The following DCBLD2 variants were observed in gnomAD, a reference collection of about 807,000 sequenced individuals.
The protein encoded by DCBLD2 is discoidin, CUB and LCCL domain containing 2.
DCBLD2 carries 54 observed loss-of-function variants against 86.8 expected under a neutral mutation model. The ratio of observed to expected loss-of-function variants is 0.62; its 90% CI spans 0.50 to 0.78. The LOEUF (loss-of-function observed/expected upper bound fraction) is 0.78. Among genes scored for constraint, DCBLD2 ranks in the 30% least tolerant of loss-of-function variants. The pLI is 0.00. For missense variants in DCBLD2, 908 were observed against 954.2 expected, an observed-to-expected ratio of 0.95 and a Z score of 0.64; for synonymous variants, 354 against 341.3, an observed-to-expected ratio of 1.04 and a Z score of -0.41.
intron 4 of DCBLD2, 94 bp downstream of exon 4, chr3:98,825,221 T>C: frequency 1.1e-6 from 1 of 949,568 alleles, no homozygotes. Flanking sequence ...ACAATATACA[T>C]TAACCCTAAG....
At chr3:98,828,540 TAA>T (rs576822067) in intron 3 of DCBLD2, among the ~76,000 whole-genome samples, 1 of 151,842 alleles carries the variant, frequency 6.6e-6, no homozygotes. Context: ...ATGGCGAAAA[TAA>T]AAAAGACATA....
At chr3:98,805,054 A>G (rs1455458189) in intron 13 of DCBLD2, 1 of 152,348 alleles carries the variant, frequency 6.6e-6, no homozygotes, top group East Asian at 1.9e-4. Flanking sequence ...TGTCGTTCCA[A>G]TGTTAGTATA....
chr3:98,871,779 C>G (rs770955267), intron 2 of DCBLD2, among the ~76,000 whole-genome samples: 6 of 152,086 alleles, frequency 3.9e-5, no homozygotes, highest in Admixed American at 1.3e-4. Context: ...TAGGGTGATA[C>G]CGGGTTCATA....
At chr3:98,820,205 ATAT>A (rs747584347) in intron 7 of DCBLD2, 40 bp downstream of exon 7, 5 of 1,292,298 alleles carry the variant, frequency 3.9e-6, no homozygotes, top group Non-Finnish European at 5.1e-6. Context: ...TGTTCAAAAA[ATAT>A]TATATAAATA....
intron 2 of DCBLD2, among the ~76,000 whole-genome samples, chr3:98,878,354 T>G (rs753030188): frequency 6.6e-6 from 1 of 152,130 alleles, no homozygotes; most frequent in Non-Finnish European, 1.5e-5. Context: ...AATCTAATAA[T>G]GAGGAAGCAT....
chr3:98,837,818 G>A (rs1282433343), intron 3 of DCBLD2, among the ~76,000 whole-genome samples: 68 of 137,946 alleles, frequency 4.9e-4, no homozygotes, highest in African/African-American at 1.8e-3. Flanking sequence ...CCGGGCGGAG[G>A]GCTGACCCCC....
chr3:98,807,954 T>C (rs1941868800), intron 13 of DCBLD2, 127 bp downstream of exon 13: 3 of 645,870 alleles, frequency 4.6e-6, no homozygotes, highest in Non-Finnish European at 4.6e-6. Context: ...AGGAGAAGCA[T>C]GAAATTTTCA....
chr3:98,800,572 T>C lies in DCBLD2; in HGVS notation c.1858+7A>G, dbSNP rs1474703371. On this transcript the variant is annotated splice_region_variant and intron_variant, in intron 15 of 15. Transcript: ENST00000326840. ...TGCCTGGTACCAGAAGGCTGCAACA[T>C]AGTTACCTGCAGAGTCAGCCTGCAG... is the stretch of plus-strand genomic sequence containing the variant. 2 of 1,610,912 alleles carry C rather than the reference T, an allele frequency of 1.2e-6. No homozygotes were observed. The highest frequency in any genetic ancestry group is 3.3e-5 in the Admixed American group (2 of 59,720).
At chr3:98,800,304 C>G (rs1941695394) in intron 15 of DCBLD2, among the ~76,000 whole-genome samples, 1 of 152,130 alleles carries the variant, frequency 6.6e-6, no homozygotes, top group African/African-American at 2.4e-5. Flanking sequence ...TTCCCGCTCT[C>G]CTCTCAACAT....
At chr3:98,899,270 T>C (rs1348072326) in intron 1 of DCBLD2, among the ~76,000 whole-genome samples, 1 of 148,742 alleles carries the variant, frequency 6.7e-6, no homozygotes, top group East Asian at 1.9e-4. Flanking sequence ...CTTTTTTTTT[T>C]TTTTTTTTTG....
intron 9 of DCBLD2, chr3:98,813,437 AGT>A (rs1941974366): frequency 6.6e-6 from 1 of 152,144 alleles, no homozygotes; most frequent in Non-Finnish European, 1.5e-5. Context: ...TTGCATTTTT[AGT>A]AGAGACAGGG....
In DCBLD2 at chr3:98,872,381, T is replaced by C. The variant is rs566321467; in HGVS notation, c.433+9159A>G. Among the ~76,000 whole-genome samples, 4 of 152,302 alleles carry C rather than the reference T, an allele frequency of 2.6e-5. No individual in the cohort carries two copies. The East Asian group carries it at 7.7e-4, about 29-fold the overall frequency. ...CAGCCTCCTCGGTCCCCTCTCTCTC[T>C]GCACAAGCCCCTTTCCCTTCCAGTT... On this transcript the variant is annotated intron_variant, in intron 2 of 15. Transcript: ENST00000326840.
At chr3:98,882,684 T>C (rs1943493240) in intron 1 of DCBLD2, among the ~76,000 whole-genome samples, 1 of 152,194 alleles carries the variant, frequency 6.6e-6, no homozygotes, top group Non-Finnish European at 1.5e-5. Context: ...TGGTTTTCTG[T>C]CCTTGTGGTA....
chr3:98,876,412 T>TAAAAAAAAAAAAAAAAAAAAAAA (rs60681986), intron 2 of DCBLD2, among the ~76,000 whole-genome samples: 5 of 47,534 alleles, frequency 1.1e-4, no homozygotes, highest in South Asian at 1.2e-3. Flanking sequence ...AGATAAAAAG[T>TAAAAAAAAAAAAAAAAAAAAAAA]AAAAAAAAAA....
rs1941701739 is a variant in DCBLD2 at position 98,800,594 on chromosome 3, G to T, written c.1843C>A (p.Gln615Lys). 6.2e-7 allele frequency: 1 copy of T among 1,613,608 alleles called. No homozygotes were observed. The highest frequency in any genetic ancestry group is 8.5e-7 in the Non-Finnish European group (1 of 1,179,708). Residue 615 changes from glutamine to lysine, a missense_variant, in exon 15 of 16, where the codon CAG (glutamine) becomes AAG (lysine). Physicochemically the swap from Gln to Lys is moderately conservative, Grantham distance 53. Around this residue, in one of 3 missense-constraint regions of DCBLD2, gnomAD observed 606 missense variants for 678.5 expected, o/e 0.89. Coordinates refer to ENST00000326840, the MANE Select transcript of DCBLD2 (RefSeq NM_080927.4). ...LSPREVTTVL[Q>K]ADSAEYAQPL... ...ACATAGTTACCTGCAGAGTCAGCCT[G>T]CAGCACTGTGGTGACTTCTCTTGGA... is the stretch of plus-strand genomic sequence containing the variant.
At chr3:98,855,911 TGAAAA>T (rs546679508) in intron 2 of DCBLD2, among the ~76,000 whole-genome samples, 31 of 152,292 alleles carry the variant, frequency 2.0e-4, no homozygotes, top group African/African-American at 6.7e-4. Context: ...TAAAACATCT[TGAAAA>T]GGTAGTGATT....
At chr3:98,820,192 C>T (rs1942093684) in intron 7 of DCBLD2, 56 bp downstream of exon 7, 1 of 1,169,322 alleles carries the variant, frequency 8.6e-7, no homozygotes, top group East Asian at 3.0e-5. Flanking sequence ...CAGTGCCTAA[C>T]AGTGTTCAAA....
intron 2 of DCBLD2, among the ~76,000 whole-genome samples, chr3:98,865,423 C>T (rs901040899): frequency 1.7e-4 from 26 of 152,200 alleles, no homozygotes; most frequent in African/African-American, 6.3e-4. Context: ...AAGACAAACT[C>T]ACAGAAGCAG....
In DCBLD2 at chr3:98,817,845, G is replaced by C; in HGVS notation, c.1136C>G (p.Ser379Cys). The change falls in exon 9 of 16, where the codon TCT becomes TGT. Residue 379 changes from serine (S) to cysteine (C), a missense_variant. By Grantham distance (112) the Ser-to-Cys change is moderately radical. This residue lies in a region of DCBLD2 where 606 missense variants were observed against 678.5 expected (regional missense o/e 0.89). Transcript: ENST00000326840. ...STMVEHNYYV[S>C]AYRILYSDDG... ...ATCACTGTACAGGATTCTGTAGGCAGACACATAGTAATTGTGCTCCACCAT... is the reference window on the plus strand; with the variant it reads ...ATCACTGTACAGGATTCTGTAGGCACACACATAGTAATTGTGCTCCACCAT... The C allele has an allele frequency of 6.2e-7, 1 of 1,613,716 alleles. No individual in the cohort carries two copies. The highest frequency in any genetic ancestry group is 8.5e-7 in the Non-Finnish European group (1 of 1,179,744).
Sources: allele counts gnomAD v4.1 joint callset (sites outside exome capture counted in the v4.1 genomes callset), GRCh38; gene constraint gnomAD v4.1.1; regional missense constraint gnomAD v4.1.1; transcripts MANE v1.5; gene names NCBI Gene and HGNC (gene_info 2026-07-23, HGNC 2026-07-21).